The following SRP68 variants were observed in gnomAD, a reference collection of about 807,000 sequenced individuals.
SRP68 encodes the protein signal recognition particle subunit SRP68.
SRP68 carries 15 observed loss-of-function variants against 82.2 expected under a neutral mutation model. That is an observed-to-expected ratio of 0.18 (90% CI 0.12 to 0.28). The LOEUF (loss-of-function observed/expected upper bound fraction) is 0.28, where lower values mean the gene tolerates loss of function less well. Ranked by LOEUF, SRP68 falls within the 10% of genes least tolerant of loss-of-function variation. The pLI is 1.00. For synonymous variants in SRP68, 261 were observed against 292.6 expected, an observed-to-expected ratio of 0.89 and a Z score of 1.10; for missense variants, 595 against 780.5, an observed-to-expected ratio of 0.76 and a Z score of 2.83.
chr17:76,060,553 T>C (rs1052430177), intron 6 of SRP68, 163 bp from the exon 7 acceptor site: 59 of 582,082 alleles, frequency 1.0e-4, no homozygotes, highest in Non-Finnish European at 2.7e-5. Flanking sequence ...AAGAATGAAA[T>C]TGACTGGGGC....
chr17:76,056,936 A>G (rs1012506855), intron 8 of SRP68, among the ~76,000 whole-genome samples: 2 of 152,250 alleles, frequency 1.3e-5, no homozygotes, highest in African/African-American at 4.8e-5. Flanking sequence ...GTATCAAGTG[A>G]TAACAGTTTT....
chr17:76,040,983 A>G lies in SRP68; in HGVS notation c.1525-5T>C, dbSNP rs764765223. On this transcript the variant is annotated splice_region_variant and splice_polypyrimidine_tract_variant and intron_variant, in intron 13 of 15. Coordinates refer to ENST00000307877, the MANE Select transcript of SRP68 (RefSeq NM_014230.4). ...CTCTTGCACATCAGGCAGGTCCTGT[A>G]AGATTCAGAAAACGTGTACTCCCGA... 4 of 1,613,130 alleles carry G rather than the reference A, an allele frequency of 2.5e-6. No homozygotes were observed. The highest frequency in any genetic ancestry group is 3.4e-6 in the Non-Finnish European group (4 of 1,179,322).
intron 3 of SRP68, among the ~76,000 whole-genome samples, chr17:76,065,256 C>A (rs2066797920): frequency 6.6e-6 from 1 of 151,754 alleles, no homozygotes; most frequent in Non-Finnish European, 1.5e-5. Context: ...TTGAAACCAG[C>A]CTGGTCAGCA....
chr17:76,045,503 C>T (rs1749969630), intron 11 of SRP68, 117 bp from the exon 12 acceptor site: 6 of 713,580 alleles, frequency 8.4e-6, no homozygotes, highest in East Asian at 5.3e-5. Context: ...GAGGTCAATA[C>T]GATGGGGAAA....
chr17:76,045,656 T>C (rs1011639942), intron 11 of SRP68, among the ~76,000 whole-genome samples: 1 of 152,210 alleles, frequency 6.6e-6, no homozygotes, highest in African/African-American at 2.4e-5. Context: ...GGAAGGGATC[T>C]GTTCCAGCGC....
intron 14 of SRP68, 154 bp downstream of exon 14, chr17:76,040,749 C>CT: frequency 1.3e-6 from 1 of 741,654 alleles, no homozygotes; most frequent in South Asian, 1.7e-5. Flanking sequence ...TCTACACAAT[C>CT]TGATGCCCAG....
chr17:76,070,844 G>GCACATGCA (rs1477448947), intron 1 of SRP68, among the ~76,000 whole-genome samples: 1 of 93,208 alleles, frequency 1.1e-5, no homozygotes, highest in African/African-American at 5.2e-5. Context: ...AGTCACACAT[G>GCACATGCA]CACATGCACA....
intron 11 of SRP68, 120 bp from the exon 12 acceptor site, chr17:76,045,506 T>C (rs1266214073): frequency 1.4e-6 from 1 of 693,288 alleles, no homozygotes; most frequent in Non-Finnish European, 2.4e-6. Flanking sequence ...GTCAATACGA[T>C]GGGGAAAAGC....
rs2066852534 is a variant in SRP68 at position 76,071,482 on chromosome 17, C to T, written c.184+826G>A. ...AAAAGGACTCTTTAAATTACTAAAACGGGACAAAGAGATATAAAGGTCTCA... is the reference window on the plus strand; with the variant it reads ...AAAAGGACTCTTTAAATTACTAAAATGGGACAAAGAGATATAAAGGTCTCA... On this transcript the variant is annotated intron_variant, in intron 1 of 15. Coordinates refer to ENST00000307877, the MANE Select transcript of SRP68 (RefSeq NM_014230.4). The surrounding 1 kb of genome is among the most constrained non-coding windows in gnomAD (Gnocchi z 4.7). Among the ~76,000 whole-genome samples the T allele has an allele frequency of 6.6e-6, 1 of 152,086 alleles. No individual in the cohort carries two copies. The highest frequency in any genetic ancestry group is 6.5e-5 in the Admixed American group (1 of 15,268).
chr17:76,057,261 C>T (rs1407064676), intron 8 of SRP68, 142 bp downstream of exon 8: 8 of 860,198 alleles, frequency 9.3e-6, no homozygotes, highest in Admixed American at 2.5e-5. Context: ...CAATAAGGCA[C>T]ATCTCCGTAC....
At position 76,039,568 on chromosome 17, in the gene SRP68, A is replaced by T; in HGVS notation, c.*138T>A. 1 of 794,880 alleles carries T rather than the reference A, an allele frequency of 1.3e-6. No individual in the cohort carries two copies. The highest frequency in any genetic ancestry group is 2.0e-6 in the Non-Finnish European group (1 of 494,836). The allele number at this position is 794,880 out of a possible 1,614,324, so 49.2% of individuals were successfully genotyped here. On this transcript the variant is annotated 3_prime_UTR_variant, in exon 16 of 16. Coordinates refer to ENST00000307877, the MANE Select transcript of SRP68 (RefSeq NM_014230.4). ...AAGAACGTGTACAGACACAAGATGT[A>T]GGAATGCAGGGCCGAAGATGTTAAA...
intron 5 of SRP68, 66 bp from the exon 6 acceptor site, chr17:76,061,285 T>G: frequency 8.5e-7 from 1 of 1,181,476 alleles, no homozygotes; most frequent in Non-Finnish European, 1.3e-6. Flanking sequence ...GGGAACACAG[T>G]GACTAAAAAC....
At chr17:76,061,683 A>G (rs2066753285) in intron 4 of SRP68, 109 bp from the exon 5 acceptor site, 4 of 867,956 alleles carry the variant, frequency 4.6e-6, no homozygotes, top group South Asian at 1.5e-5. Flanking sequence ...GATATGGGCC[A>G]GGTGCAGTGG....
At chr17:76,044,424 C>A (rs2066614715) in intron 12 of SRP68, among the ~76,000 whole-genome samples, 1 of 152,202 alleles carries the variant, frequency 6.6e-6, no homozygotes, top group African/African-American at 2.4e-5. Context: ...CGCTGCTGGT[C>A]CCTGACAGGA....
At chr17:76,070,270 G>A in intron 2 of SRP68, 108 bp downstream of exon 2, 1 of 746,460 alleles carries the variant, frequency 1.3e-6, no homozygotes, top group Non-Finnish European at 2.2e-6. Context: ...AAAAAACAAT[G>A]CTCTAGACTT....
At chr17:76,045,952 TC>T (rs1326460820) in intron 11 of SRP68, 85 bp downstream of exon 11, 37 of 1,546,172 alleles carry the variant, frequency 2.4e-5, no homozygotes, top group Middle Eastern at 2.3e-4. Flanking sequence ...TCACAGCCCT[TC>T]CGTGATACAA....
chr17:76,063,857 G>T, intron 4 of SRP68, 119 bp downstream of exon 4: 1 of 873,288 alleles, frequency 1.1e-6, no homozygotes, highest in Non-Finnish European at 1.7e-6. Flanking sequence ...AGTTCGGAAA[G>T]TTTTTTTCCT....
intron 13 of SRP68, chr17:76,041,579 CA>C (rs1180013886): frequency 6.6e-6 from 1 of 152,320 alleles, no homozygotes; most frequent in African/African-American, 2.4e-5. Flanking sequence ...CAAAACAATT[CA>C]GCACATGAAA....
Position 76,072,142 on chromosome 17 carries a change from A to G in SRP68, c.184+166T>C. 7.5e-7 allele frequency: 1 copy of G among 1,324,670 alleles called. No homozygotes were observed. Among genetic ancestry groups the G allele is most frequent in the Non-Finnish European group, 1.0e-6 (1 of 982,046 alleles). The allele number at this position is 1,324,670 out of a possible 1,614,324, so 82.1% of individuals were successfully genotyped here. A position where few individuals can be genotyped will look rare whatever the true frequency, so the allele number is the denominator to read the frequency against. ...GGGACACGAGGAAAGACTAGTCGAG[A>G]GACAGACCCCCCCCGGAATTCTGAG... On this transcript the variant is annotated intron_variant, in intron 1 of 15. Coordinates refer to ENST00000307877, the MANE Select transcript of SRP68 (RefSeq NM_014230.4). The surrounding 1 kb of genome is among the most constrained non-coding windows in gnomAD (Gnocchi z 4.5).
Sources: gnomAD v4.1 joint callset for allele counts (sites outside exome capture counted in the v4.1 genomes callset) on GRCh38, gnomAD v4.1.1 for gene constraint, Gnocchi (gnomAD v3.1) non-coding constraint, MANE v1.5 for transcripts, NCBI Gene and HGNC (gene_info 2026-07-23, HGNC 2026-07-21) for gene names.